The following MAPK10 variants were observed in gnomAD, a reference collection of about 807,000 sequenced individuals.
MAPK10 encodes JNK3 alpha protein kinase.
In MAPK10, 25 loss-of-function variants were observed where a neutral mutation model predicts 59.3. The observed-to-expected ratio is 0.42, with a 90% confidence interval of 0.31 to 0.59. MAPK10 has a LOEUF of 0.59. Ranked by LOEUF, MAPK10 falls within the 20% of genes least tolerant of loss-of-function variation. The pLI is 0.15. For missense variants in MAPK10, 351 were observed against 568.9 expected (o/e 0.62, Z 3.90); for synonymous variants, 190 against 200.5 (o/e 0.95, Z 0.44).
At chr4:86,423,770 CATAT>C (rs539111577) in intron 1 of MAPK10, among the ~76,000 whole-genome samples, 9 of 91,612 alleles carry the variant, frequency 9.8e-5, no homozygotes, top group East Asian at 6.0e-4. Context: ...GATATATATA[CATAT>C]ATATATATAT....
intron 2 of MAPK10, among the ~76,000 whole-genome samples, chr4:86,269,298 T>A (rs1485072369): frequency 6.6e-6 from 1 of 152,160 alleles, no homozygotes; most frequent in East Asian, 1.9e-4. Flanking sequence ...ATGCCTAAAC[T>A]CCTTAATGTT....
chr4:86,465,269 GAT>G (rs1752096314), intron 1 of MAPK10, among the ~76,000 whole-genome samples: 1 of 152,158 alleles, frequency 6.6e-6, no homozygotes, highest in African/African-American at 2.4e-5. Flanking sequence ...GTTTGGTGGT[GAT>G]GGGCATTCCA....
intron 9 of MAPK10, among the ~76,000 whole-genome samples, chr4:86,079,001 A>AAAAAAG (rs1397190799): frequency 6.6e-6 from 1 of 151,490 alleles, no homozygotes; most frequent in Admixed American, 6.6e-5. Context: ...CACCCCCCCA[A>AAAAAAG]AAAAAGAAAA....
chr4:86,299,229 A>G (rs1405722664), intron 2 of MAPK10, among the ~76,000 whole-genome samples: 1 of 152,240 alleles, frequency 6.6e-6, no homozygotes, highest in African/African-American at 2.4e-5. Context: ...ACTTTAAATA[A>G]AAATTAAAAG....
chr4:86,183,319 G>A (rs1335526453), intron 3 of MAPK10, among the ~76,000 whole-genome samples: 10 of 134,892 alleles, frequency 7.4e-5, no homozygotes, highest in South Asian at 4.7e-4. Context: ...TCCCCAGTGT[G>A]TGATGTTCCC....
chr4:86,401,567 T>C (rs1451678610), intron 1 of MAPK10, among the ~76,000 whole-genome samples: 2 of 152,220 alleles, frequency 1.3e-5, no homozygotes, highest in African/African-American at 4.8e-5. Context: ...TGATATGTTT[T>C]ATTCTTTCTA....
chr4:86,428,392 C>A (rs903964766), intron 1 of MAPK10, among the ~76,000 whole-genome samples: 11 of 152,140 alleles, frequency 7.2e-5, no homozygotes, highest in Admixed American at 2.6e-4. Context: ...CCCCTGTGCT[C>A]AAACAATCCT....
chr4:86,578,633 C>T (rs1418832303), intron 1 of MAPK10, among the ~76,000 whole-genome samples: 10 of 151,784 alleles, frequency 6.6e-5, no homozygotes. Context: ...TATTTGTGAA[C>T]ATTCAAATCA....
At chr4:86,368,322 A>G (rs1199128078) in intron 1 of MAPK10, among the ~76,000 whole-genome samples, 1 of 152,310 alleles carries the variant, frequency 6.6e-6, no homozygotes, top group Non-Finnish European at 1.5e-5. Context: ...TCTTGCACTC[A>G]TGTGATACAT....
intron 3 of MAPK10, among the ~76,000 whole-genome samples, chr4:86,175,575 C>T (rs1187980448): frequency 6.6e-6 from 1 of 151,918 alleles, no homozygotes; most frequent in Non-Finnish European, 1.5e-5. Context: ...GTGTGTGACA[C>T]CTCCCTCCTC....
chr4:86,281,621 G>C (rs1426944314), intron 2 of MAPK10, among the ~76,000 whole-genome samples: 3 of 152,106 alleles, frequency 2.0e-5, no homozygotes, highest in African/African-American at 7.2e-5. Context: ...CTTTGAACAG[G>C]AATGAAGCTT....
chr4:86,171,666 G>A (rs1203231171), intron 3 of MAPK10, among the ~76,000 whole-genome samples: 2 of 152,148 alleles, frequency 1.3e-5, no homozygotes, highest in South Asian at 4.1e-4. Flanking sequence ...CATAGGCATG[G>A]ACAAGGACTT....
chr4:86,504,046 A>G (rs1448161401), intron 1 of MAPK10, among the ~76,000 whole-genome samples: 1 of 152,108 alleles, frequency 6.6e-6, no homozygotes, highest in Admixed American at 6.6e-5. Context: ...TCTCCAATCT[A>G]TCAAAGTAAC....
In MAPK10 at chr4:86,067,974, A is replaced by AG. The variant is rs1561242050; in HGVS notation, c.803-20dup. The AG allele has an allele frequency of 6.4e-7, 1 of 1,564,780 alleles. No individual in the cohort carries two copies. The highest frequency in any genetic ancestry group is 8.7e-7 in the Non-Finnish European group (1 of 1,150,826). ...TCAATATCTGAGAATTGAACAGTTA[A>AG]GGGAAAAAAGAAGAGCAGACCACTA... On this transcript the variant is annotated intron_variant, in intron 9 of 13. Transcript: ENST00000641462.
At chr4:86,158,699 A>C (rs2068600655) in intron 4 of MAPK10, among the ~76,000 whole-genome samples, 2 of 151,922 alleles carry the variant, frequency 1.3e-5, no homozygotes, top group African/African-American at 4.8e-5. Flanking sequence ...TGAATTTTGC[A>C]AGAGTCTTAG....
intron 2 of MAPK10, among the ~76,000 whole-genome samples, chr4:86,256,269 G>C (rs115655437): frequency 0.019 from 2,922 of 152,232 alleles, 45 homozygotes; most frequent in South Asian, 0.065. Flanking sequence ...TCAGTAGCTT[G>C]CTCATCCTCT....
intron 1 of MAPK10, among the ~76,000 whole-genome samples, chr4:86,490,595 T>C (rs577957404): frequency 6.6e-6 from 1 of 152,354 alleles, no homozygotes; most frequent in South Asian, 2.1e-4. Context: ...AAAAAGGCAC[T>C]GGCCTGAGAG....
chr4:86,210,069 C>CTA (rs1255909595), intron 2 of MAPK10, among the ~76,000 whole-genome samples: 1 of 152,042 alleles, frequency 6.6e-6, no homozygotes, highest in Non-Finnish European at 1.5e-5. Flanking sequence ...AACTGGATAT[C>CTA]TATATGCAGA....
intron 1 of MAPK10, among the ~76,000 whole-genome samples, chr4:86,396,069 G>A (rs2149013025): frequency 6.6e-6 from 1 of 152,366 alleles, no homozygotes; most frequent in African/African-American, 2.4e-5. Context: ...TTTCCGGCCG[G>A]GCGAGGTGGC....
Sources: gnomAD v4.1 joint callset for allele counts (sites outside exome capture counted in the v4.1 genomes callset) on GRCh38, gnomAD v4.1.1 for gene constraint, MANE v1.5 for transcripts, NCBI Gene and HGNC (gene_info 2026-07-23, HGNC 2026-07-21) for gene names.